LASP1: variants seen among roughly 807,000 people sequenced by gnomAD.
LASP1 encodes LIM and SH3 domain protein 1.
A neutral mutation model predicts 38.6 loss-of-function variants in LASP1; 10 were observed. The observed-to-expected ratio is 0.26, with a 90% CI of 0.16 to 0.44. The LOEUF (loss-of-function observed/expected upper bound fraction) is 0.44. Ranked by LOEUF, LASP1 falls within the 20% of genes least tolerant of loss-of-function variation. LASP1 has a pLI of 1.00. For synonymous variants in LASP1, 132 were observed against 140.8 expected, an observed-to-expected ratio of 0.94 and a Z score of 0.44; for missense variants, 243 against 375.7, an observed-to-expected ratio of 0.65 and a Z score of 2.92.
intron 4 of LASP1, among the ~76,000 whole-genome samples, chr17:38,900,888 G>A (rs565810436): frequency 2.0e-5 from 3 of 152,282 alleles, no homozygotes; most frequent in South Asian, 2.1e-4. Context: ...CTGGCCTCAC[G>A]CCCTGGAGCT....
In LASP1 at chr17:38,887,701, AGG is replaced by A. The variant is rs1914182703; in HGVS notation, c.165-2718_165-2717del. ...ACAGTGAAACTGGCCCAAGGGAAAA[AGG>A]ATTTGCCAAGGTCACCCAGTAAGTC... On this transcript the variant is annotated intron_variant, in intron 2 of 6. Transcript: ENST00000318008. 2.0e-5 allele frequency among the ~76,000 whole-genome samples: 3 copies of A among 152,254 alleles called. No homozygotes were observed. The South Asian group carries it at 6.2e-4, about 32-fold the overall frequency.
Position 38,921,642 on chromosome 17 carries a change from C to A in LASP1, c.*2864C>A, listed in dbSNP as rs1217965208. 1 of 232,544 alleles carries A rather than the reference C, an allele frequency of 4.3e-6. No homozygotes were observed. The allele number at this position is 232,544 out of a possible 1,614,324, so 14.4% of individuals were successfully genotyped here. On this transcript the variant is annotated 3_prime_UTR_variant, in exon 7 of 7. Transcript: ENST00000318008. ...TTGTCTCATTTTGGTCTGTTTTGGT[C>A]CCCTCCCTCGTGGGCTTGTGCTCGG... is the stretch of plus-strand genomic sequence containing the variant.
In LASP1 at chr17:38,878,492, G is replaced by A. The variant is rs796274145; in HGVS notation, c.164+312G>A. 9.2e-5 allele frequency among the ~76,000 whole-genome samples: 14 copies of A among 152,294 alleles called. 1 individual carries two copies. The highest frequency in any genetic ancestry group is 3.4e-4 in the African/African-American group (14 of 41,544). The stretch of plus-strand genomic sequence containing the variant: ...CTAACCCAATTTCGGGCAGTAAGGC[G>A]AGCACGTTTCTTTCCACTGTCCCCT... On this transcript the variant is annotated intron_variant, in intron 2 of 6. Transcript: ENST00000318008.
chr17:38,910,903 A>G (rs1014844395), intron 4 of LASP1, among the ~76,000 whole-genome samples: 6 of 151,958 alleles, frequency 3.9e-5, no homozygotes, highest in African/African-American at 1.5e-4. Flanking sequence ...TTGTATTTTC[A>G]GTAGAGACGG....
In LASP1 at chr17:38,915,166, G is replaced by A. The variant is rs1915083478; in HGVS notation, c.612+20G>A. The A allele has an allele frequency of 6.2e-7, 1 of 1,605,782 alleles. No individual in the cohort carries two copies. The highest frequency in any genetic ancestry group is 8.5e-7 in the Non-Finnish European group (1 of 1,173,082). Reference sequence around the variant, plus strand: ...GGCGGGGTGAGTAACCCTGGCCGGAGGGGAGAGGCCAGAGGCAGGGGGTCC... The same window carrying A: ...GGCGGGGTGAGTAACCCTGGCCGGAAGGGAGAGGCCAGAGGCAGGGGGTCC... On this transcript the variant is annotated intron_variant, in intron 6 of 6. Transcript: ENST00000318008.
At chr17:38,898,324 C>T (rs889744683) in intron 3 of LASP1, 88 bp from the exon 4 acceptor site, 6 of 761,702 alleles carry the variant, frequency 7.9e-6, no homozygotes, top group Non-Finnish European at 1.3e-5. Context: ...TCCCTGTCTC[C>T]TGACTGGTTG....
intron 1 of LASP1, among the ~76,000 whole-genome samples, chr17:38,875,881 C>T (rs1913755267): frequency 6.6e-6 from 1 of 152,164 alleles, no homozygotes; most frequent in Non-Finnish European, 1.5e-5. Context: ...TGGCTGGGCT[C>T]CTTCAAAAGT....
At chr17:38,880,768 C>A (rs1333624891) in intron 2 of LASP1, among the ~76,000 whole-genome samples, 2 of 152,206 alleles carry the variant, frequency 1.3e-5, no homozygotes, top group African/African-American at 4.8e-5. Flanking sequence ...GCAAGGAGTG[C>A]TCTCTGGACG....
rs1915265784 is a variant in LASP1 at position 38,920,337 on chromosome 17, A to G, written c.*1559A>G. On this transcript the variant is annotated 3_prime_UTR_variant, in exon 7 of 7. Coordinates refer to ENST00000318008, the MANE Select transcript of LASP1 (RefSeq NM_006148.4). ...TTACATAAAGCTCCCTTGAAGCAAGAAAGAGGGTCCCAGGGCTGCAAAACT... is the reference window on the plus strand; with the variant it reads ...TTACATAAAGCTCCCTTGAAGCAAGGAAGAGGGTCCCAGGGCTGCAAAACT... The G allele has an allele frequency of 2.7e-6, 1 of 370,808 alleles. No individual in the cohort carries two copies. The highest frequency in any genetic ancestry group is 3.2e-5 in the South Asian group (1 of 31,000). 23.0% of individuals were successfully genotyped at this position (370,808 alleles called of 1,614,324 possible). A position where few individuals can be genotyped will look rare whatever the true frequency, so the allele number is the denominator to read the frequency against.
At chr17:38,876,233 C>T (rs906325887) in intron 1 of LASP1, among the ~76,000 whole-genome samples, 1 of 146,528 alleles carries the variant, frequency 6.8e-6, no homozygotes, top group Admixed American at 7.0e-5. Context: ...GGCTGGAGTG[C>T]AGTGGCACAA....
rs1408005019 is a variant in LASP1 at position 38,920,376 on chromosome 17, C to G, written c.*1598C>G. The G allele has an allele frequency of 2.9e-6, 1 of 339,822 alleles. No individual in the cohort carries two copies. The highest frequency in any genetic ancestry group is 5.7e-6 in the Non-Finnish European group (1 of 175,562). The allele number at this position is 339,822 out of a possible 1,614,324, so 21.1% of individuals were successfully genotyped here. A position where few individuals can be genotyped will look rare whatever the true frequency, so the allele number is the denominator to read the frequency against. The stretch of plus-strand genomic sequence containing the variant: ...GGCTGCAAAACTGGAAGCACAGCCT[C>G]GGGGATGGGGAGGGAAAGACGGTGC... On this transcript the variant is annotated 3_prime_UTR_variant, in exon 7 of 7. Transcript: ENST00000318008.
At chr17:38,873,115 G>A (rs1392506764) in intron 1 of LASP1, among the ~76,000 whole-genome samples, 1 of 152,104 alleles carries the variant, frequency 6.6e-6, no homozygotes, top group East Asian at 1.9e-4. Flanking sequence ...CTCTTTCCTG[G>A]CTTGCTTCCC....
intron 2 of LASP1, among the ~76,000 whole-genome samples, chr17:38,883,044 G>T (rs1386381087): frequency 6.6e-6 from 1 of 152,126 alleles, no homozygotes; most frequent in African/African-American, 2.4e-5. Context: ...GTCAGACAAG[G>T]CTGGGTGCTT....
Position 38,918,692 on chromosome 17 carries a change from C to CG in LASP1, c.700_701insG (p.Gln234ArgfsTer50). 2 of 1,614,134 alleles carry CG rather than the reference C, an allele frequency of 1.2e-6. No homozygotes were observed. Among genetic ancestry groups the CG allele is most frequent in the Non-Finnish European group, 1.7e-6 (2 of 1,179,988 alleles). ...CGGGGACACCATCGTCAACGTGCAG[C>CG]AGATCGACGACGGCTGGATGTACGG... On this transcript the variant is annotated frameshift_variant, in exon 7 of 7. Transcript: ENST00000318008. LOFTEE classifies it high-confidence loss of function. The surrounding 1 kb of genome is among the most constrained non-coding windows in gnomAD (Gnocchi z 4.4).
rs1160571927 is a variant in LASP1, at chr17:38,920,113, AG to A, written c.*1338del. On this transcript the variant is annotated 3_prime_UTR_variant, in exon 7 of 7. Transcript: ENST00000318008. ...CACCAATCTGCCCTTTGCAGTGTGC[AG>A]GGTGGAAGGTAAGAGGTTGGTGTGG... is the stretch of plus-strand genomic sequence containing the variant. 1 of 536,698 alleles carries A rather than the reference AG, an allele frequency of 1.9e-6. No homozygotes were observed. The highest frequency in any genetic ancestry group is 2.8e-4 in the Middle Eastern group (1 of 3,558). The allele number at this position is 536,698 out of a possible 1,614,324, so 33.2% of individuals were successfully genotyped here. A position where few individuals can be genotyped will look rare whatever the true frequency, so the allele number is the denominator to read the frequency against.
chr17:38,898,892 G>A (rs1914565078), intron 4 of LASP1: 1 of 390,492 alleles, frequency 2.6e-6, no homozygotes. Context: ...GCCTCCCCTG[G>A]TCTGCGCCTG....
rs1285592387 is a variant in LASP1 at position 38,918,154 on chromosome 17, A to T, written c.613-451A>T. On this transcript the variant is annotated intron_variant, in intron 6 of 6. Coordinates refer to ENST00000318008, the MANE Select transcript of LASP1 (RefSeq NM_006148.4). The surrounding 1 kb of genome is among the most constrained non-coding windows in gnomAD (Gnocchi z 4.4). The stretch of plus-strand genomic sequence containing the variant: ...GACTCCATCTCAAAAAAAAAAAAAA[A>T]AAGAGGGAGTTGGGGGGTCTTACTG... Among the ~76,000 whole-genome samples the T allele has an allele frequency of 9.9e-5, 15 of 151,798 alleles. No homozygotes were observed. Among genetic ancestry groups the T allele is most frequent in the Non-Finnish European group, 1.2e-4 (8 of 67,948 alleles).
At chr17:38,900,412 T>C (rs1456619701) in intron 4 of LASP1, among the ~76,000 whole-genome samples, 8 of 145,574 alleles carry the variant, frequency 5.5e-5, no homozygotes. Context: ...CGGTGGCTCA[T>C]GCCTGTAATC....
In LASP1 at chr17:38,920,617, T is replaced by C. The variant is rs1435882964; in HGVS notation, c.*1839T>C. 4.3e-6 allele frequency: 1 copy of C among 234,108 alleles called. No individual in the cohort carries two copies. The highest frequency in any genetic ancestry group is 8.4e-6 in the Non-Finnish European group (1 of 118,424). 14.5% of individuals were successfully genotyped at this position (234,108 alleles called of 1,614,324 possible). On this transcript the variant is annotated 3_prime_UTR_variant, in exon 7 of 7. Transcript: ENST00000318008. ...TATTGGCCTGTTCAACAATCAGTCA[T>C]CATGGGTGTTTTTGTCAACTGCTTG... is the stretch of plus-strand genomic sequence containing the variant.
Sources: gnomAD v4.1 joint callset for allele counts (sites outside exome capture counted in the v4.1 genomes callset) on GRCh38, gnomAD v4.1.1 for gene constraint, Gnocchi (gnomAD v3.1) non-coding constraint, MANE v1.5 for transcripts, NCBI Gene and HGNC (gene_info 2026-07-23, HGNC 2026-07-21) for gene names.